The following LRP6 variants were observed in gnomAD, a reference collection of about 807,000 sequenced individuals.
The protein encoded by LRP6 is low-density lipoprotein receptor-related protein 6.
A neutral mutation model predicts 184.1 loss-of-function variants in LRP6; 43 were observed. The ratio of observed to expected loss-of-function variants is 0.23; its 90% CI spans 0.18 to 0.30. LRP6 has a LOEUF of 0.30. Among genes scored for constraint, LRP6 ranks in the 10% least tolerant of loss-of-function variants. The pLI is 1.00. For synonymous variants in LRP6, 719 were observed against 684.9 expected (o/e 1.05, Z -0.78); for missense variants, 1,571 against 2,005.3 (o/e 0.78, Z 4.14).
At chr12:12,245,772 G>A (rs1227959067) in intron 1 of LRP6, among the ~76,000 whole-genome samples, 2 of 151,940 alleles carry the variant, frequency 1.3e-5, no homozygotes, top group African/African-American at 2.4e-5. Context: ...TAAATTCCAT[G>A]TTTTTTGGTT....
intron 1 of LRP6, among the ~76,000 whole-genome samples, chr12:12,254,629 A>C (rs949796004): frequency 6.6e-6 from 1 of 152,234 alleles, no homozygotes; most frequent in African/African-American, 2.4e-5. Context: ...TTCTAGCTGG[A>C]AACATTACTT....
chr12:12,162,979 C>T (rs1363056315), intron 9 of LRP6, among the ~76,000 whole-genome samples: 3 of 152,002 alleles, frequency 2.0e-5, no homozygotes, highest in South Asian at 2.1e-4. Flanking sequence ...GGCATCACCC[C>T]TATTTTATGT....
chr12:12,160,861 A>G (rs1390305828), intron 10 of LRP6, among the ~76,000 whole-genome samples: 2 of 152,350 alleles, frequency 1.3e-5, no homozygotes, highest in South Asian at 2.1e-4. Flanking sequence ...TACTGGAACT[A>G]AAAAAGCACA....
At chr12:12,165,388 CAA>C (rs1348579134) in intron 7 of LRP6, 93 bp from the exon 8 acceptor site, 55 of 868,770 alleles carry the variant, frequency 6.3e-5, no homozygotes, top group Non-Finnish European at 1.0e-4. Context: ...TATAAAAATC[CAA>C]GAGTCATCTT....
intron 15 of LRP6, 159 bp from the exon 16 acceptor site, chr12:12,138,693 T>C (rs1591875830): frequency 7.4e-7 from 1 of 1,349,560 alleles, no homozygotes; most frequent in South Asian, 1.4e-5. Context: ...AGACATACAC[T>C]AGAAAACAGC....
chr12:12,175,285 A>G (rs1863144038), intron 7 of LRP6, among the ~76,000 whole-genome samples: 1 of 152,078 alleles, frequency 6.6e-6, no homozygotes, highest in South Asian at 2.1e-4. Context: ...GCTACTCGGG[A>G]GGCTGGGGCA....
intron 7 of LRP6, among the ~76,000 whole-genome samples, chr12:12,165,498 C>T (rs905743661): frequency 3.8e-4 from 58 of 152,186 alleles, no homozygotes; most frequent in African/African-American, 1.4e-3. Flanking sequence ...ACTTTTCCCC[C>T]CAATCTCATA....
rs1277470175 is a variant in LRP6, at chr12:12,156,944, T to C, written c.2791+1885A>G. 3.3e-5 allele frequency among the ~76,000 whole-genome samples: 5 copies of C among 152,218 alleles called. No individual in the cohort carries two copies. The East Asian group carries it at 9.6e-4, about 29-fold the overall frequency. ...TCTGGCCTGCTGCCTGTTTCTGTAA[T>C]AAAGTTTTACTGGAATTCAGCCACT... On this transcript the variant is annotated intron_variant, in intron 12 of 22. Coordinates refer to ENST00000261349, the MANE Select transcript of LRP6 (RefSeq NM_002336.3).
intron 1 of LRP6, chr12:12,249,129 C>A: frequency 1.4e-6 from 1 of 700,926 alleles, no homozygotes; most frequent in Non-Finnish European, 2.6e-6. Context: ...ACTTACAAGA[C>A]GTACAGGGAT....
chr12:12,135,152 C>T (rs967742594), intron 17 of LRP6, 23 bp downstream of exon 17: 6 of 1,613,466 alleles, frequency 3.7e-6, no homozygotes, highest in Non-Finnish European at 3.4e-6. Context: ...TAGGGTTGCA[C>T]AAGAAAATTA....
At chr12:12,215,990 C>T (rs1013191695) in intron 2 of LRP6, among the ~76,000 whole-genome samples, 14 of 151,904 alleles carry the variant, frequency 9.2e-5, no homozygotes, top group African/African-American at 2.4e-4. Flanking sequence ...CTAGCCTGGG[C>T]GACAAGAGGG....
intron 13 of LRP6, 59 bp from the exon 14 acceptor site, chr12:12,149,212 A>T (rs1950048760): frequency 7.9e-7 from 1 of 1,272,840 alleles, no homozygotes; most frequent in East Asian, 2.3e-5. Flanking sequence ...ACCCTGAGGC[A>T]ATCAGTCACA....
At chr12:12,163,591 C>T (rs927669834) in intron 9 of LRP6, among the ~76,000 whole-genome samples, 2 of 152,122 alleles carry the variant, frequency 1.3e-5, no homozygotes, top group Non-Finnish European at 2.9e-5. Flanking sequence ...TGGCCTTTTC[C>T]GCCTCAGTCA....
At position 12,179,977 on chromosome 12, in the gene LRP6, T is replaced by C. The variant is rs1300247254; in HGVS notation, c.1378A>G (p.Met460Val). The C allele has an allele frequency of 6.2e-7, 1 of 1,613,006 alleles. No individual in the cohort carries two copies. The highest frequency in any genetic ancestry group is 8.5e-7 in the Non-Finnish European group (1 of 1,179,130). ...ATTTCTCCCCAGTCAGTCCAATACA[T>C]GTACCTAGAGAAGTATACAAAAAAT... ...AIVLDPMVGY[M>V]YWTDWGEIPK... The change falls in exon 7 of 23, where the codon ATG becomes GTG. Residue 460 changes from methionine (M) to valine (V), a missense_variant. By Grantham distance (21) the Met-to-Val change is conservative. Transcript: ENST00000261349.
Position 12,135,952 on chromosome 12 carries a change from C to T in LRP6, c.3608-652G>A, listed in dbSNP as rs1264042881. On this transcript the variant is annotated intron_variant, in intron 16 of 22. Transcript: ENST00000261349. Reference sequence around the variant, plus strand: ...GTAATCCTAGCACTTTGGGAGGCTGCGGCAGGTGGATTGCCTGAACTCAGG... The same window carrying T: ...GTAATCCTAGCACTTTGGGAGGCTGTGGCAGGTGGATTGCCTGAACTCAGG... Among the ~76,000 whole-genome samples, 6 of 151,882 alleles carry T rather than the reference C, an allele frequency of 4.0e-5. No individual in the cohort carries two copies. In the South Asian group the frequency reaches 1.0e-3, roughly 26 times the overall value.
intron 2 of LRP6, among the ~76,000 whole-genome samples, chr12:12,224,695 G>T (rs1009769559): frequency 6.6e-6 from 1 of 152,072 alleles, no homozygotes; most frequent in African/African-American, 2.4e-5. Context: ...TATAACATGG[G>T]TTCACTTACC....
At chr12:12,260,361 G>A (rs991130086) in intron 1 of LRP6, among the ~76,000 whole-genome samples, 21 of 145,838 alleles carry the variant, frequency 1.4e-4, no homozygotes, top group Admixed American at 6.4e-4. Context: ...CTGGGCGACT[G>A]AGCAAGACTC....
intron 7 of LRP6, among the ~76,000 whole-genome samples, chr12:12,168,226 T>C (rs957615072): frequency 6.6e-6 from 1 of 152,166 alleles, no homozygotes; most frequent in Non-Finnish European, 1.5e-5. Flanking sequence ...TTCCAGCTAA[T>C]GTATTACAAT....
Position 12,236,159 on chromosome 12 carries a change from G to A in LRP6, c.449+8103C>T, listed in dbSNP as rs1262568984. Among the ~76,000 whole-genome samples, 8 of 152,096 alleles carry A rather than the reference G, an allele frequency of 5.3e-5. No homozygotes were observed. The East Asian group carries it at 5.8e-4, about 11-fold the overall frequency. On this transcript the variant is annotated intron_variant, in intron 2 of 22. Transcript: ENST00000261349. ...GGAGAATGGCGTGAACCCAGGAGGCGGAGCTTGCAGTGAGCCAAGATGGCG... is the reference window on the plus strand; with the variant it reads ...GGAGAATGGCGTGAACCCAGGAGGCAGAGCTTGCAGTGAGCCAAGATGGCG...
Sources: gnomAD v4.1 joint callset for allele counts (sites outside exome capture counted in the v4.1 genomes callset) on GRCh38, gnomAD v4.1.1 for gene constraint, MANE v1.5 for transcripts, NCBI Gene and HGNC (gene_info 2026-07-23, HGNC 2026-07-21) for gene names.